The following GRTP1 variants were observed in gnomAD, a reference collection of about 807,000 sequenced individuals.
GRTP1 encodes the protein growth hormone regulated TBC protein 1.
In GRTP1, 56 loss-of-function variants were observed where a neutral mutation model predicts 38.1. That is an observed-to-expected ratio of 1.47 (90% CI 1.19 to 1.84). The LOEUF (loss-of-function observed/expected upper bound fraction) is 1.84, where lower values mean the gene tolerates loss of function less well. Ranked by LOEUF, GRTP1 falls within the 40% of genes most tolerant of loss-of-function variation. GRTP1 has a pLI of 0.00. For missense variants in GRTP1, 506 were observed against 453.9 expected, an observed-to-expected ratio of 1.11 and a Z score of -1.04; for synonymous variants, 217 against 189.5, an observed-to-expected ratio of 1.14 and a Z score of -1.19.
rs370993793 is a variant in GRTP1 at position 113,325,925 on chromosome 13, G to C, written c.729C>G (p.Pro243=). Residue 243 remains proline (P), a synonymous_variant, in exon 6 of 8, where the codon CCC becomes CCG. Transcript: ENST00000375431. ...GCCCGAGTGAGGCGCTCACCTCCAC[G>C]GGCAAGATGTCCACAAACAGGCAGA... The part of the protein sequence containing the change: ...WFICLFVDIL[P]VETVLRIWDC... 4 of 1,613,752 alleles carry C rather than the reference G, an allele frequency of 2.5e-6. No individual in the cohort carries two copies. Among genetic ancestry groups the C allele is most frequent in the Admixed American group, 1.7e-5 (1 of 59,990 alleles).
intron 3 of GRTP1, 83 bp from the exon 4 acceptor site, chr13:113,351,056 C>T: frequency 6.3e-7 from 1 of 1,576,914 alleles, no homozygotes; most frequent in Admixed American, 1.7e-5. Flanking sequence ...GGGTGGCCAC[C>T]TGGGTTCCAC....
rs1300625820 is a variant in GRTP1, at chr13:113,347,615, T to A, written c.466-2656A>T. On this transcript the variant is annotated intron_variant, in intron 4 of 7. Transcript: ENST00000375431. ...GAGAACAGACCCGGGAGGACCTCTG[T>A]GGCTGAGAGCGGACCTGGGAGGACC... Among the ~76,000 whole-genome samples the A allele has an allele frequency of 3.0e-4, 20 of 65,796 alleles. 1 individual carries two copies. The highest frequency in any genetic ancestry group is 1.0e-3 in the African/African-American group (16 of 15,270). The allele number at this position is 65,796 out of a possible 152,430, so 43.2% of individuals were successfully genotyped here.
chr13:113,336,422 A>C (rs1384274945), intron 5 of GRTP1, among the ~76,000 whole-genome samples: 5 of 151,902 alleles, frequency 3.3e-5, no homozygotes, highest in Non-Finnish European at 5.9e-5. Flanking sequence ...TCTGAAAGCA[A>C]AGTGCCCTCG....
intron 5 of GRTP1, among the ~76,000 whole-genome samples, chr13:113,337,319 G>A (rs1363818175): frequency 6.6e-6 from 1 of 152,132 alleles, no homozygotes; most frequent in Non-Finnish European, 1.5e-5. Context: ...ATAAACTTTA[G>A]AAGTAGCTAA....
At chr13:113,339,994 T>C (rs1206465419) in intron 5 of GRTP1, 1 of 152,122 alleles carries the variant, frequency 6.6e-6, no homozygotes. Context: ...CTTTTTTTTA[T>C]TTTCTGCAAG....
rs1047902406 is a variant in GRTP1, at chr13:113,345,987, C to T, written c.466-1028G>A. 2.9e-4 allele frequency among the ~76,000 whole-genome samples: 43 copies of T among 149,312 alleles called. 1 individual carries two copies. The highest frequency in any genetic ancestry group is 6.2e-4 in the African/African-American group (25 of 40,318). ...GCAGACCCAGGAGGACTTTTGTGGC[C>T]GAGAGTGGACCCGAGAGGACCTCTG... On this transcript the variant is annotated intron_variant, in intron 4 of 7. Coordinates refer to ENST00000375431, the MANE Select transcript of GRTP1 (RefSeq NM_024719.4).
Position 113,363,850 on chromosome 13 carries a change from A to G in GRTP1, c.93T>C (p.Phe31=), listed in dbSNP as rs775622282. 3.1e-5 allele frequency: 50 copies of G among 1,611,782 alleles called. 1 individual carries two copies. The South Asian group carries it at 5.5e-4, about 18-fold the overall frequency. The change falls in exon 2 of 8, where the codon TTT becomes TTC. Residue 31 remains phenylalanine (F), a synonymous_variant. Transcript: ENST00000375431. ...TGAGCGTGACCAGGTAGCTGGAGAA[A>G]AACTTCTCGTAGGCGGCGTCGTCGA... is the stretch of plus-strand genomic sequence containing the variant. The part of the protein sequence containing the change: ...EDFDDAAYEK[F]FSSYLVTLTR...
chr13:113,326,821 G>C (rs2042781849), intron 5 of GRTP1, among the ~76,000 whole-genome samples: 1 of 152,164 alleles, frequency 6.6e-6, no homozygotes, highest in Admixed American at 6.5e-5. Context: ...ACCAACATGT[G>C]AATGTCCACA....
intron 7 of GRTP1, chr13:113,325,322 C>T (rs1224706001): frequency 4.3e-6 from 6 of 1,387,632 alleles, no homozygotes; most frequent in Non-Finnish European, 5.6e-6. Context: ...TCATCAGGAC[C>T]TGAGTCTATA....
In GRTP1 at chr13:113,343,876, G is replaced by T. The variant is rs541798181; in HGVS notation, c.562+987C>A. Among the ~76,000 whole-genome samples the T allele has an allele frequency of 6.6e-6, 1 of 152,262 alleles. No homozygotes were observed. The highest frequency in any genetic ancestry group is 1.5e-5 in the Non-Finnish European group (1 of 68,020). ...CAGCCAGGCTGGGGAAGGGCAGAGT[G>T]GTCTCAGCCCCAGGCCCTGCCCACC... is the stretch of plus-strand genomic sequence containing the variant. On this transcript the variant is annotated intron_variant, in intron 5 of 7. Coordinates refer to ENST00000375431, the MANE Select transcript of GRTP1 (RefSeq NM_024719.4). This position sits in a 1 kb window ranked among gnomAD's most constrained non-coding sequence, Gnocchi z 4.8.
chr13:113,333,064 T>G (rs2042899827), intron 5 of GRTP1, among the ~76,000 whole-genome samples: 1 of 152,208 alleles, frequency 6.6e-6, no homozygotes, highest in Non-Finnish European at 1.5e-5. Flanking sequence ...AATGGACTCA[T>G]GACATCAGGT....
At position 113,355,691 on chromosome 13, in the gene GRTP1, T is replaced by C; in HGVS notation, c.182-210A>G. ...CCTCTCAACAGAGCACAAACCAGACTGGCTACAGAACCGCCCCCACGCCCA... is the reference window on the plus strand; with the variant it reads ...CCTCTCAACAGAGCACAAACCAGACCGGCTACAGAACCGCCCCCACGCCCA... On this transcript the variant is annotated intron_variant, in intron 2 of 7. Transcript: ENST00000375431. 3 of 483,158 alleles carry C rather than the reference T, an allele frequency of 6.2e-6. 1 individual carries two copies. In the South Asian group the frequency reaches 1.5e-4, roughly 24 times the overall value. 29.9% of individuals were successfully genotyped at this position (483,158 alleles called of 1,614,324 possible).
At chr13:113,329,471 A>G (rs1413609234) in intron 5 of GRTP1, among the ~76,000 whole-genome samples, 2 of 152,204 alleles carry the variant, frequency 1.3e-5, no homozygotes, top group Non-Finnish European at 2.9e-5. Flanking sequence ...CCAGCTACTC[A>G]GCTACTCAGG....
At chr13:113,330,226 T>G (rs1445577557) in intron 5 of GRTP1, among the ~76,000 whole-genome samples, 1 of 129,328 alleles carries the variant, frequency 7.7e-6, no homozygotes, top group South Asian at 2.5e-4. Context: ...GGTGCGTGGA[T>G]GGAAACCCGG....
At chr13:113,355,591 T>A in intron 2 of GRTP1, 110 bp from the exon 3 acceptor site, 2 of 1,286,986 alleles carry the variant, frequency 1.6e-6, no homozygotes, top group Admixed American at 3.0e-5. Context: ...AATCAAATAT[T>A]AAAGAGACCC....
intron 5 of GRTP1, among the ~76,000 whole-genome samples, chr13:113,340,227 G>A (rs73565218): frequency 0.051 from 7,818 of 152,096 alleles, 521 homozygotes; most frequent in African/African-American, 0.16. Flanking sequence ...ATTAATCACA[G>A]CCCTTTGTGA....
At chr13:113,326,552 C>G (rs567539353) in intron 5 of GRTP1, among the ~76,000 whole-genome samples, 1 of 151,924 alleles carries the variant, frequency 6.6e-6, no homozygotes, top group East Asian at 1.9e-4. Flanking sequence ...GCACCTGTAA[C>G]CCCAGCTATT....
intron 4 of GRTP1, among the ~76,000 whole-genome samples, chr13:113,347,361 TCCGGGAGGACCTCTGAAGCC>T (rs2043167788): frequency 1.5e-4 from 4 of 26,346 alleles, no homozygotes; most frequent in Admixed American, 3.5e-4. Context: ...CAAGAACAGA[TCCGGGAGGACCTCTGAAGCC>T]GAGAGCAGAC....
intron 5 of GRTP1, chr13:113,339,961 A>G (rs1272319984): frequency 6.6e-6 from 1 of 152,222 alleles, no homozygotes; most frequent in East Asian, 1.9e-4. Context: ...TACTAGCTTC[A>G]TAACATGAAG....
Sources: allele counts gnomAD v4.1 joint callset (sites outside exome capture counted in the v4.1 genomes callset), GRCh38; gene constraint gnomAD v4.1.1; non-coding constraint Gnocchi (gnomAD v3.1); transcripts MANE v1.5; gene names NCBI Gene and HGNC (gene_info 2026-07-23, HGNC 2026-07-21).